The following CNTNAP2 variants were observed in gnomAD, a reference collection of about 807,000 sequenced individuals.
CNTNAP2 encodes the protein contactin associated protein 2.
CNTNAP2 carries 98 observed loss-of-function variants against 155.2 expected under a neutral mutation model. That is an observed-to-expected ratio of 0.63 (90% CI 0.54 to 0.75). CNTNAP2 has a LOEUF of 0.75. CNTNAP2 is among the 30% of genes least tolerant of loss of function. The probability of loss-of-function intolerance (pLI) is 0.00; values close to 1 mark genes in which losing one functional copy is unlikely to be tolerated. For missense variants in CNTNAP2, 1,727 were observed against 1,688.1 expected, an observed-to-expected ratio of 1.02 and a Z score of -0.40; for synonymous variants, 651 against 631.2, an observed-to-expected ratio of 1.03 and a Z score of -0.47.
At chr7:147,784,535 A>ATG (rs1797708508) in intron 13 of CNTNAP2, among the ~76,000 whole-genome samples, 1 of 90,890 alleles carries the variant, frequency 1.1e-5, no homozygotes, top group Non-Finnish European at 2.3e-5. Context: ...ATATATATAT[A>ATG]TATATATATA....
chr7:147,991,217 C>T (rs542709036), intron 15 of CNTNAP2, among the ~76,000 whole-genome samples: 14 of 152,236 alleles, frequency 9.2e-5, no homozygotes, highest in South Asian at 4.1e-4. Flanking sequence ...TAACAGTAGA[C>T]GGGAATCTCA....
At chr7:147,145,684 C>T (rs924146) in intron 8 of CNTNAP2, among the ~76,000 whole-genome samples, 13,523 of 152,136 alleles carry the variant, frequency 0.089, 628 homozygotes, top group Non-Finnish European at 0.11. Context: ...CCTGTTTTAT[C>T]ATTTTGCTCT....
intron 1 of CNTNAP2, among the ~76,000 whole-genome samples, chr7:146,168,904 C>T (rs1190963111): frequency 2.0e-5 from 3 of 152,172 alleles, no homozygotes; most frequent in Admixed American, 1.3e-4. Context: ...TTTAAAGTGA[C>T]TTACACAAAA....
intron 1 of CNTNAP2, among the ~76,000 whole-genome samples, chr7:146,401,110 G>A (rs1015955655): frequency 1.3e-5 from 2 of 152,176 alleles, no homozygotes; most frequent in African/African-American, 4.8e-5. Flanking sequence ...AAATTTCATT[G>A]CACACCTAGG....
At chr7:147,875,823 A>G (rs1372688203) in intron 13 of CNTNAP2, among the ~76,000 whole-genome samples, 2 of 152,334 alleles carry the variant, frequency 1.3e-5, no homozygotes, top group East Asian at 3.9e-4. Context: ...ACATTTTGGG[A>G]TGTTTTCAGC....
At chr7:146,343,776 A>G (rs938907417) in intron 1 of CNTNAP2, among the ~76,000 whole-genome samples, 1 of 152,110 alleles carries the variant, frequency 6.6e-6, no homozygotes, top group Non-Finnish European at 1.5e-5. Flanking sequence ...TTATTTTTTA[A>G]TAGCATAAAA....
chr7:148,377,355 G>A (rs1798984790), intron 21 of CNTNAP2, among the ~76,000 whole-genome samples: 1 of 68,054 alleles, frequency 1.5e-5, no homozygotes, highest in African/African-American at 3.6e-5. Flanking sequence ...ACTGTTCTAC[G>A]TGTGAGGCCT....
chr7:147,874,996 T>C (rs1361882818), intron 13 of CNTNAP2, among the ~76,000 whole-genome samples: 1 of 152,162 alleles, frequency 6.6e-6, no homozygotes, highest in African/African-American at 2.4e-5. Flanking sequence ...TTGTTGTCCA[T>C]ATCACTATCA....
chr7:146,819,929 AACTC>A (rs1179708227), intron 2 of CNTNAP2, among the ~76,000 whole-genome samples: 2 of 152,178 alleles, frequency 1.3e-5, no homozygotes, highest in Non-Finnish European at 1.5e-5. Context: ...ACCTCAGGCC[AACTC>A]ACTCACTATT....
rs748334732 is a variant in CNTNAP2, at chr7:146,330,012, CTTTTTTT to C, written c.97+213060_97+213066del. On this transcript the variant is annotated intron_variant, in intron 1 of 23. Transcript: ENST00000361727. ...CATTTATTGATTCAACAAGTACTTT[CTTTTTTT>C]TTTTTTTTTTTTTTTTTTTTGAGAC... 3.4e-3 allele frequency among the ~76,000 whole-genome samples: 253 copies of C among 74,822 alleles called. 1 individual carries two copies. Among genetic ancestry groups the C allele is most frequent in the African/African-American group, 0.015 (228 of 15,200 alleles). 49.1% of individuals were successfully genotyped at this position (74,822 alleles called of 152,430 possible). A position where few individuals can be genotyped will look rare whatever the true frequency, so the allele number is the denominator to read the frequency against.
chr7:147,530,204 G>A (rs1312939726), intron 11 of CNTNAP2, among the ~76,000 whole-genome samples: 1 of 50,148 alleles, frequency 2.0e-5, no homozygotes, highest in Non-Finnish European at 4.5e-5. Context: ...TTTTTTTTTT[G>A]AGACAGAGTC....
At chr7:146,170,018 C>CTTTTTTT (rs71175637) in intron 1 of CNTNAP2, among the ~76,000 whole-genome samples, 11 of 126,956 alleles carry the variant, frequency 8.7e-5, no homozygotes, top group South Asian at 2.6e-4. Context: ...CCTTTCTTTT[C>CTTTTTTT]TTTTTTTTTT....
intron 1 of CNTNAP2, among the ~76,000 whole-genome samples, chr7:146,748,143 C>CTTTTCTT (rs60181692): frequency 0.067 from 6,587 of 98,238 alleles, 376 homozygotes; most frequent in East Asian, 0.27. Context: ...CTTTTCTTTT[C>CTTTTCTT]TTTTTTTTTT....
At chr7:147,002,620 A>C (rs1293615408) in intron 3 of CNTNAP2, among the ~76,000 whole-genome samples, 1 of 151,998 alleles carries the variant, frequency 6.6e-6, no homozygotes, top group East Asian at 1.9e-4. Flanking sequence ...ACCATAAACT[A>C]TCAATAACAG....
chr7:146,941,433 A>G (rs1384113945), intron 3 of CNTNAP2, among the ~76,000 whole-genome samples: 2 of 152,140 alleles, frequency 1.3e-5, no homozygotes, highest in African/African-American at 2.4e-5. Flanking sequence ...TTATCATTTT[A>G]TATTGGATAA....
chr7:148,062,011 T>TAGAGAGAGAGAG lies in CNTNAP2; in HGVS notation c.2384-56100_2384-56089dup, dbSNP rs374161359. On this transcript the variant is annotated intron_variant, in intron 15 of 23. Transcript: ENST00000361727. ...GATAGATAGATAGATAGATAGATGA[T>TAGAGAGAGAGAG]AGAGAGAGAGAGAGAGAGTGTGTGT... Among the ~76,000 whole-genome samples, 56 of 84,188 alleles carry TAGAGAGAGAGAG rather than the reference T, an allele frequency of 6.7e-4. 3 individuals are homozygous for TAGAGAGAGAGAG. Among genetic ancestry groups the TAGAGAGAGAGAG allele is most frequent in the African/African-American group, 1.5e-3 (31 of 21,058 alleles). The allele number at this position is 84,188 out of a possible 152,430, so 55.2% of individuals were successfully genotyped here.
At chr7:147,731,379 A>G (rs1216603571) in intron 13 of CNTNAP2, among the ~76,000 whole-genome samples, 3 of 152,106 alleles carry the variant, frequency 2.0e-5, no homozygotes, top group Non-Finnish European at 2.9e-5. Context: ...TAAGAGTTCT[A>G]CTATCTCTAC....
chr7:147,944,515 A>G (rs1020173567), intron 14 of CNTNAP2, among the ~76,000 whole-genome samples: 3 of 152,342 alleles, frequency 2.0e-5, no homozygotes, highest in African/African-American at 7.2e-5. Context: ...TCCTAACTGA[A>G]AAGAAAATAA....
chr7:148,333,922 C>CTTAGTGGCTAAGTCACTTAGTGGCTAAG, intron 21 of CNTNAP2, among the ~76,000 whole-genome samples: 1 of 152,328 alleles, frequency 6.6e-6, no homozygotes, highest in Non-Finnish European at 1.5e-5. Context: ...ACTCCTGTCA[C>CTTAGTGGCTAAGTCACTTAGTGGCTAAG]TGATTAGTGG....
Sources: gnomAD v4.1 joint callset for allele counts (sites outside exome capture counted in the v4.1 genomes callset) on GRCh38, gnomAD v4.1.1 for gene constraint, MANE v1.5 for transcripts, NCBI Gene and HGNC (gene_info 2026-07-23, HGNC 2026-07-21) for gene names.